CDH4: variants seen among roughly 807,000 people sequenced by gnomAD.
CDH4 encodes cadherin-4.
A neutral mutation model predicts 86.0 loss-of-function variants in CDH4; 33 were observed. That is an observed-to-expected ratio of 0.38 (90% CI 0.29 to 0.51). The LOEUF is 0.51. CDH4 is among the 20% of genes least tolerant of loss of function. The pLI, the probability that CDH4 is intolerant of heterozygous loss-of-function variation, is 0.86. For missense variants in CDH4, 1,114 were observed against 1,307.4 expected (o/e 0.85, Z 2.28); for synonymous variants, 555 against 549.4 (o/e 1.01, Z -0.14).
At chr20:61,885,224 A>G (rs1568866742) in intron 7 of CDH4, among the ~76,000 whole-genome samples, 2 of 152,184 alleles carry the variant, frequency 1.3e-5, no homozygotes, top group Admixed American at 1.3e-4. Context: ...CAGTGGTCAC[A>G]AGGTTGTGCA....
chr20:61,320,501 A>C (rs774769365), intron 2 of CDH4, among the ~76,000 whole-genome samples: 7 of 151,928 alleles, frequency 4.6e-5, no homozygotes, highest in Non-Finnish European at 1.0e-4. Context: ...CACTACCATG[A>C]AATGTTTTAC....
chr20:61,595,627 T>C (rs950478657), intron 2 of CDH4, among the ~76,000 whole-genome samples: 1 of 152,240 alleles, frequency 6.6e-6, no homozygotes, highest in Non-Finnish European at 1.5e-5. Flanking sequence ...TGTTGATTCT[T>C]CTGTAGTCAT....
At chr20:61,667,297 C>T (rs2087337208) in intron 2 of CDH4, among the ~76,000 whole-genome samples, 1 of 152,218 alleles carries the variant, frequency 6.6e-6, no homozygotes, top group African/African-American at 2.4e-5. Context: ...CCTCGATGCA[C>T]ATCCCGCCCA....
intron 2 of CDH4, among the ~76,000 whole-genome samples, chr20:61,655,969 G>T (rs1185458702): frequency 2.6e-5 from 4 of 152,242 alleles, no homozygotes; most frequent in Non-Finnish European, 4.4e-5. Context: ...GAGGCTCGAG[G>T]GTGACAGCTT....
intron 2 of CDH4, among the ~76,000 whole-genome samples, chr20:61,319,118 G>A (rs1388780341): frequency 6.6e-6 from 1 of 152,078 alleles, no homozygotes; most frequent in Non-Finnish European, 1.5e-5. Context: ...ATGGTCCTTA[G>A]CTCAGCCCTC....
intron 3 of CDH4, among the ~76,000 whole-genome samples, chr20:61,758,145 A>T (rs1031132754): frequency 6.6e-6 from 1 of 152,190 alleles, no homozygotes; most frequent in Non-Finnish European, 1.5e-5. Context: ...GAGGGGTACC[A>T]AGCCCCGGGA....
chr20:61,914,098 C>T (rs980523679), intron 9 of CDH4, among the ~76,000 whole-genome samples: 12 of 152,318 alleles, frequency 7.9e-5, no homozygotes, highest in Non-Finnish European at 1.3e-4. Flanking sequence ...TGCCTCCTGC[C>T]CCCCCACAGC....
intron 4 of CDH4, among the ~76,000 whole-genome samples, chr20:61,797,207 G>A (rs111342022): frequency 0.028 from 4,199 of 152,304 alleles, 203 homozygotes; most frequent in African/African-American, 0.096. Flanking sequence ...CCCAAGGTGG[G>A]GAAGGGTTCA....
chr20:61,904,958 T>C (rs1054855345), intron 8 of CDH4, among the ~76,000 whole-genome samples: 5 of 152,198 alleles, frequency 3.3e-5, no homozygotes, highest in Admixed American at 6.5e-5. Flanking sequence ...AATCCTCCTC[T>C]TGCGAATGGT....
intron 2 of CDH4, among the ~76,000 whole-genome samples, chr20:61,468,433 AG>A (rs1208964184): frequency 2.6e-5 from 4 of 152,102 alleles, no homozygotes; most frequent in Non-Finnish European, 5.9e-5. Context: ...GATACATAGA[AG>A]GTATATATAT....
In CDH4 at chr20:61,393,759, G is replaced by A. The variant is rs767867602; in HGVS notation, c.169+138822G>A. On this transcript the variant is annotated intron_variant, in intron 2 of 15. Coordinates refer to ENST00000614565, the MANE Select transcript of CDH4 (RefSeq NM_001794.5). The surrounding 1 kb of genome is among the most constrained non-coding windows in gnomAD (Gnocchi z 4.3). Reference sequence around the variant, plus strand: ...GGCAGGGTTCTCATGAGGATTACACGAGTCCTGGAGACCGTGCAGTGAACT... The same window carrying A: ...GGCAGGGTTCTCATGAGGATTACACAAGTCCTGGAGACCGTGCAGTGAACT... Among the ~76,000 whole-genome samples, 5 of 151,806 alleles carry A rather than the reference G, an allele frequency of 3.3e-5. No homozygotes were observed. Among genetic ancestry groups the A allele is most frequent in the Non-Finnish European group, 7.4e-5 (5 of 67,994 alleles).
At chr20:61,535,046 G>T (rs2085986394) in intron 2 of CDH4, among the ~76,000 whole-genome samples, 1 of 152,210 alleles carries the variant, frequency 6.6e-6, no homozygotes, top group Non-Finnish European at 1.5e-5. Context: ...ACAAACCTTT[G>T]CAGACTCATG....
rs969551347 is a variant in CDH4, at chr20:61,708,161, C to T, written c.170-35402C>T. On this transcript the variant is annotated intron_variant, in intron 2 of 15. Coordinates refer to ENST00000614565, the MANE Select transcript of CDH4 (RefSeq NM_001794.5). This position sits in a 1 kb window ranked among gnomAD's most constrained non-coding sequence, Gnocchi z 4.5. ...ACAGCAGTGGTTTCAGGCAACAGCCCGGGAGGAAAACCTAGGAAGAAGGGC... is the reference window on the plus strand; with the variant it reads ...ACAGCAGTGGTTTCAGGCAACAGCCTGGGAGGAAAACCTAGGAAGAAGGGC... 1.7e-4 allele frequency among the ~76,000 whole-genome samples: 26 copies of T among 152,088 alleles called. No homozygotes were observed. The highest frequency in any genetic ancestry group is 3.9e-4 in the East Asian group (2 of 5,184).
intron 6 of CDH4, among the ~76,000 whole-genome samples, chr20:61,868,887 G>GC (rs1206037994): frequency 6.6e-6 from 1 of 152,230 alleles, no homozygotes; most frequent in Non-Finnish European, 1.5e-5. Flanking sequence ...GGCACACCTG[G>GC]CCCCCACTGA....
chr20:61,557,626 C>T (rs2086187325), intron 2 of CDH4, among the ~76,000 whole-genome samples: 1 of 152,188 alleles, frequency 6.6e-6, no homozygotes, highest in Non-Finnish European at 1.5e-5. Flanking sequence ...GAAAATGCCG[C>T]TCTTTTACAT....
chr20:61,254,975 C>T, intron 2 of CDH4, 38 bp downstream of exon 2: 1 of 1,159,676 alleles, frequency 8.6e-7, no homozygotes, highest in Non-Finnish European at 1.3e-6. Context: ...TGAATTGCTG[C>T]CATGCTTTTC....
Position 61,295,044 on chromosome 20 carries a change from A to C in CDH4, c.169+40107A>C, listed in dbSNP as rs114353544. 9.1e-3 allele frequency among the ~76,000 whole-genome samples: 1,385 copies of C among 152,294 alleles called. 27 individuals are homozygous for C. The highest frequency in any genetic ancestry group is 0.032 in the African/African-American group (1,323 of 41,562). On this transcript the variant is annotated intron_variant, in intron 2 of 15. Coordinates refer to ENST00000614565, the MANE Select transcript of CDH4 (RefSeq NM_001794.5). ...GTCTCTGTCTGGCCTTGCACCCTCA[A>C]TATCCTGGTGGAAAACAGCCTTTGG...
At chr20:61,749,730 A>G (rs2088465264) in intron 3 of CDH4, among the ~76,000 whole-genome samples, 1 of 152,226 alleles carries the variant, frequency 6.6e-6, no homozygotes. Context: ...CCAGATGGAA[A>G]TGTTTAGCCT....
intron 6 of CDH4, among the ~76,000 whole-genome samples, chr20:61,858,225 G>T (rs1983134444): frequency 1.3e-5 from 2 of 151,104 alleles, no homozygotes; most frequent in Non-Finnish European, 3.0e-5. Context: ...CTGTGTCTCT[G>T]TGTCTGTGTG....
Sources: gnomAD v4.1 joint callset for allele counts (sites outside exome capture counted in the v4.1 genomes callset) on GRCh38, gnomAD v4.1.1 for gene constraint, Gnocchi (gnomAD v3.1) non-coding constraint, MANE v1.5 for transcripts, NCBI Gene and HGNC (gene_info 2026-07-23, HGNC 2026-07-21) for gene names.